The following IL5RA variants were observed in gnomAD, a reference collection of about 807,000 sequenced individuals.
IL5RA encodes the protein interleukin-5 receptor subunit alpha.
Under a neutral mutation model 50.0 loss-of-function variants are expected in IL5RA, and 49 were observed. The observed-to-expected ratio is 0.98, with a 90% CI of 0.78 to 1.24. The LOEUF (loss-of-function observed/expected upper bound fraction) is 1.24. IL5RA is among the 50% of genes most tolerant of loss of function. The probability of loss-of-function intolerance (pLI) is 0.00; values close to 1 mark genes in which losing one functional copy is unlikely to be tolerated. For synonymous variants in IL5RA, 202 were observed against 174.0 expected (o/e 1.16, Z -1.26); for missense variants, 600 against 500.4 (o/e 1.20, Z -1.90).
intron 9 of IL5RA, among the ~76,000 whole-genome samples, chr3:3,086,358 G>A (rs1245787686): frequency 6.6e-6 from 1 of 152,140 alleles, no homozygotes; most frequent in Non-Finnish European, 1.5e-5. Context: ...ACCAGGGTCA[G>A]GAAACAAAAG....
At chr3:3,077,768 C>G (rs1405617564) in intron 9 of IL5RA, among the ~76,000 whole-genome samples, 1 of 151,996 alleles carries the variant, frequency 6.6e-6, no homozygotes, top group Non-Finnish European at 1.5e-5. Flanking sequence ...ACTCTGTCCC[C>G]CACCAGCCCC....
intron 5 of IL5RA, among the ~76,000 whole-genome samples, chr3:3,099,658 T>TTTTTTATTATTATTATTATTA (rs1553752865): frequency 1.4e-5 from 2 of 144,280 alleles, no homozygotes; most frequent in African/African-American, 5.1e-5. Context: ...TTTTATTTTA[T>TTTTTTATTATTATTATTATTA]TTATTATTAT....
chr3:3,080,446 T>C (rs150614094), intron 9 of IL5RA, among the ~76,000 whole-genome samples: 47 of 152,304 alleles, frequency 3.1e-4, no homozygotes, highest in South Asian at 1.5e-3. Context: ...ACTGAATACA[T>C]AGGAGCTTCG....
chr3:3,106,720 G>T (rs1326451222), intron 2 of IL5RA, among the ~76,000 whole-genome samples: 1 of 152,056 alleles, frequency 6.6e-6, no homozygotes, highest in Non-Finnish European at 1.5e-5. Context: ...AACAAAGATA[G>T]CTTCCTCTTT....
rs59813986 is a variant in IL5RA, at chr3:3,069,630, TTC to T, written c.*593_*594del. On this transcript the variant is annotated 3_prime_UTR_variant, in exon 12 of 12. Transcript: ENST00000446632. ...TCAGGCCTCTGGAGCTTGAGATAAT[TTC>T]TCTCTCTCTCTCTCTCTCTCTCTCT... The T allele has an allele frequency of 0.2, 29,318 of 146,820 alleles. 3,010 individuals carry two copies. Among genetic ancestry groups the T allele is most frequent in the South Asian group, 0.29 (1,323 of 4,592 alleles). The allele number at this position is 146,820 out of a possible 1,614,324, so 9.1% of individuals were successfully genotyped here. A position where few individuals can be genotyped will look rare whatever the true frequency, so the allele number is the denominator to read the frequency against.
intron 9 of IL5RA, among the ~76,000 whole-genome samples, chr3:3,090,622 A>C (rs1028929598): frequency 7.5e-6 from 1 of 133,674 alleles, no homozygotes; most frequent in Non-Finnish European, 1.5e-5. Flanking sequence ...GCTGGAGTGC[A>C]GTGGTGCGAT....
At position 3,068,718 on chromosome 3, in the gene IL5RA, C is replaced by A. The variant is rs1326712804; in HGVS notation, c.*1507G>T. 1 of 152,068 alleles carries A rather than the reference C, an allele frequency of 6.6e-6. No homozygotes were observed. Among genetic ancestry groups the A allele is most frequent in the African/African-American group, 2.4e-5 (1 of 41,364 alleles). The allele number at this position is 152,068 out of a possible 1,614,324, so 9.4% of individuals were successfully genotyped here. On this transcript the variant is annotated 3_prime_UTR_variant, in exon 12 of 12. Transcript: ENST00000446632. ...TTGCCTTCTCAGCCACACCCCTAAG[C>A]AGGCCTCAGCTTTCCCTGACACTCC...
At chr3:3,082,004 G>T (rs1702681854) in intron 9 of IL5RA, among the ~76,000 whole-genome samples, 1 of 152,124 alleles carries the variant, frequency 6.6e-6, no homozygotes, top group South Asian at 2.1e-4. Flanking sequence ...GCAAGCAAAA[G>T]ATTTCACATA....
At chr3:3,093,675 C>G (rs17878380) in intron 8 of IL5RA, among the ~76,000 whole-genome samples, 6,712 of 152,304 alleles carry the variant, frequency 0.044, 239 homozygotes, top group African/African-American at 0.099. Flanking sequence ...TTCAATTCCT[C>G]TCTGCAGAGC....
At chr3:3,091,134 A>G (rs1260676975) in intron 9 of IL5RA, among the ~76,000 whole-genome samples, 1 of 152,158 alleles carries the variant, frequency 6.6e-6, no homozygotes, top group Non-Finnish European at 1.5e-5. Context: ...TTTATACTCT[A>G]TATCTGCTAG....
At chr3:3,072,055 C>T (rs542609637) in intron 11 of IL5RA, among the ~76,000 whole-genome samples, 1 of 152,346 alleles carries the variant, frequency 6.6e-6, no homozygotes, top group East Asian at 1.9e-4. Context: ...CCAAACATTT[C>T]CCAGTGGCCA....
At chr3:3,105,045 A>G (rs1703844188) in intron 2 of IL5RA, 58 bp from the exon 3 acceptor site, 1 of 1,082,024 alleles carries the variant, frequency 9.2e-7, no homozygotes, top group Admixed American at 1.8e-5. Context: ...AGAAAAACTG[A>G]TAGCTGCTTT....
intron 9 of IL5RA, among the ~76,000 whole-genome samples, chr3:3,080,196 C>G (rs1702618516): frequency 6.6e-6 from 1 of 152,190 alleles, no homozygotes; most frequent in African/African-American, 2.4e-5. Context: ...CTGAGTGCTT[C>G]TAGGTGCTCA....
intron 10 of IL5RA, 138 bp downstream of exon 10, chr3:3,076,393 G>A (rs958065733): frequency 1.6e-6 from 1 of 625,326 alleles, no homozygotes; most frequent in Admixed American, 2.9e-5. Flanking sequence ...CACTCATCTT[G>A]GACAGGTCAT....
At chr3:3,094,106 G>GT (rs1214026480) in intron 8 of IL5RA, among the ~76,000 whole-genome samples, 1 of 152,196 alleles carries the variant, frequency 6.6e-6, no homozygotes, top group East Asian at 1.9e-4. Flanking sequence ...GTGCTAATGA[G>GT]TTTTTTTAAT....
At chr3:3,087,050 T>C (rs184593142) in intron 9 of IL5RA, among the ~76,000 whole-genome samples, 11 of 152,158 alleles carry the variant, frequency 7.2e-5, no homozygotes, top group Admixed American at 4.6e-4. Context: ...ATAATGAACA[T>C]TGAAGACGCA....
At position 3,069,143 on chromosome 3, in the gene IL5RA, C is replaced by T. The variant is rs1215603595; in HGVS notation, c.*1082G>A. ...GACCAAGGGCCATGTGGAATCAGCA[C>T]TGTTTGGGTTCCTTCCTCTTGCCCA... On this transcript the variant is annotated 3_prime_UTR_variant, in exon 12 of 12. Coordinates refer to ENST00000446632, the MANE Select transcript of IL5RA (RefSeq NM_175726.4). 6.6e-6 allele frequency: 1 copy of T among 152,254 alleles called. No individual in the cohort carries two copies. Among genetic ancestry groups the T allele is most frequent in the Non-Finnish European group, 1.5e-5 (1 of 68,106 alleles). The allele number at this position is 152,254 out of a possible 1,614,324, so 9.4% of individuals were successfully genotyped here.
At chr3:3,093,484 G>T (rs9839576) in intron 8 of IL5RA, among the ~76,000 whole-genome samples, 36 of 152,036 alleles carry the variant, frequency 2.4e-4, no homozygotes, top group African/African-American at 8.0e-4. Flanking sequence ...TTTTCTAGCA[G>T]ATCATTTTTA....
rs952898573 is a variant in IL5RA, at chr3:3,098,145, G to C, written c.513C>G (p.Leu171=). ...ATAGGTACAGTACTAACCTATAGTA[G>C]AGAAAATACTGCGTGTCCTCAGGGG... ...TDAPEDTQYF[L]YYRYGSWTEE... is the part of the protein sequence containing the mutation. Residue 171 remains leucine (L), a synonymous_variant, in exon 6 of 12, where the codon CTC becomes CTG. Transcript: ENST00000446632. 4.3e-6 allele frequency: 7 copies of C among 1,614,098 alleles called. No individual in the cohort carries two copies. Among genetic ancestry groups the C allele is most frequent in the East Asian group, 2.2e-5 (1 of 44,882 alleles).
Sources: allele counts gnomAD v4.1 joint callset (sites outside exome capture counted in the v4.1 genomes callset), GRCh38; gene constraint gnomAD v4.1.1; transcripts MANE v1.5; gene names NCBI Gene and HGNC (gene_info 2026-07-23, HGNC 2026-07-21).